The following PHACTR3 variants were observed in gnomAD, a reference collection of about 807,000 sequenced individuals.
PHACTR3 encodes phosphatase and actin regulator 3.
PHACTR3 carries 16 observed loss-of-function variants against 66.8 expected under a neutral mutation model. That is an observed-to-expected ratio of 0.24 (90% CI 0.16 to 0.36). PHACTR3 has a LOEUF of 0.36. Ranked by LOEUF, PHACTR3 falls within the 10% of genes least tolerant of loss-of-function variation. The probability of loss-of-function intolerance (pLI) is 1.00; values close to 1 mark genes in which losing one functional copy is unlikely to be tolerated. For synonymous variants in PHACTR3, 323 were observed against 292.1 expected, an observed-to-expected ratio of 1.11 and a Z score of -1.08; for missense variants, 647 against 719.9, an observed-to-expected ratio of 0.90 and a Z score of 1.16.
At chr20:59,583,309 G>A (rs557489421) in intron 1 of PHACTR3, among the ~76,000 whole-genome samples, 4 of 152,284 alleles carry the variant, frequency 2.6e-5, no homozygotes, top group Non-Finnish European at 5.9e-5. Flanking sequence ...GTGGTCTGGG[G>A]GTGGGGACAG....
chr20:59,731,894 G>A (rs1364992065), intron 1 of PHACTR3, among the ~76,000 whole-genome samples: 1 of 152,106 alleles, frequency 6.6e-6, no homozygotes, highest in Admixed American at 6.5e-5. Flanking sequence ...GACTTTTATA[G>A]TCCAAAAATA....
At chr20:59,845,626 T>G (rs1462797467) in intron 12 of PHACTR3, among the ~76,000 whole-genome samples, 1 of 152,206 alleles carries the variant, frequency 6.6e-6, no homozygotes, top group African/African-American at 2.4e-5. Flanking sequence ...CAGATTTTTG[T>G]GAAATTAGTC....
chr20:59,681,502 C>T (rs537935049), intron 1 of PHACTR3, among the ~76,000 whole-genome samples: 1 of 152,326 alleles, frequency 6.6e-6, no homozygotes. Flanking sequence ...ATTTGCCTCA[C>T]CCACTTGGCA....
At chr20:59,787,405 A>G (rs952722268) in intron 7 of PHACTR3, among the ~76,000 whole-genome samples, 2 of 152,202 alleles carry the variant, frequency 1.3e-5, no homozygotes, top group Non-Finnish European at 2.9e-5. Context: ...TCCAGGGTGG[A>G]AGGAAGCCCA....
chr20:59,632,522 G>A lies in PHACTR3; in HGVS notation c.118+27390G>A, dbSNP rs73301462. ...ATTTTCCCCAACCCAGCTGGAGCCT[G>A]AGAATGGAACTAGCCCAAAGGAAAG... is the stretch of plus-strand genomic sequence containing the variant. On this transcript the variant is annotated intron_variant, in intron 1 of 12. Coordinates refer to ENST00000371015, the MANE Select transcript of PHACTR3 (RefSeq NM_080672.5). Among the ~76,000 whole-genome samples the A allele has an allele frequency of 9.1e-3, 1,380 of 152,306 alleles. 27 individuals carry two copies. The highest frequency in any genetic ancestry group is 0.031 in the African/African-American group (1,288 of 41,564).
intron 1 of PHACTR3, among the ~76,000 whole-genome samples, chr20:59,717,174 A>G (rs564072589): frequency 6.6e-6 from 1 of 152,300 alleles, no homozygotes; most frequent in South Asian, 2.1e-4. Context: ...TCTTGGATTC[A>G]TGAAAAATTG....
At chr20:59,623,979 G>A (rs1395444401) in intron 1 of PHACTR3, among the ~76,000 whole-genome samples, 1 of 152,164 alleles carries the variant, frequency 6.6e-6, no homozygotes, top group East Asian at 1.9e-4. Flanking sequence ...AAGGTGTCCT[G>A]TTTTGGTTTC....
intron 8 of PHACTR3, among the ~76,000 whole-genome samples, chr20:59,809,892 G>A (rs1011005888): frequency 5.3e-5 from 8 of 152,166 alleles, no homozygotes; most frequent in Non-Finnish European, 1.2e-4. Context: ...CTGGCACTTT[G>A]CTGACCCCTG....
chr20:59,756,726 G>T (rs1428891521), intron 4 of PHACTR3, among the ~76,000 whole-genome samples: 1 of 151,970 alleles, frequency 6.6e-6, no homozygotes, highest in Non-Finnish European at 1.5e-5. Context: ...ACAACGTGCA[G>T]GTTTGTTACA....
At chr20:59,722,449 C>T (rs1053667137) in intron 1 of PHACTR3, among the ~76,000 whole-genome samples, 2 of 152,036 alleles carry the variant, frequency 1.3e-5, no homozygotes, top group Non-Finnish European at 2.9e-5. Context: ...CAGGGACTTC[C>T]CTGTGCAGTC....
At chr20:59,695,056 A>G (rs1391087238) in intron 1 of PHACTR3, among the ~76,000 whole-genome samples, 2 of 152,130 alleles carry the variant, frequency 1.3e-5, no homozygotes, top group Non-Finnish European at 2.9e-5. Flanking sequence ...GACAGGTGGA[A>G]ATAAACTCCC....
intron 1 of PHACTR3, chr20:59,628,220 G>A (rs1396800598): frequency 1.3e-5 from 2 of 152,250 alleles, no homozygotes; most frequent in African/African-American, 4.8e-5. Context: ...TCACTTGCCA[G>A]GAGAGAGTAC....
intron 1 of PHACTR3, among the ~76,000 whole-genome samples, chr20:59,665,664 T>C (rs964419593): frequency 3.3e-5 from 5 of 151,858 alleles, no homozygotes; most frequent in Non-Finnish European, 7.4e-5. Context: ...CTGGGTTGAA[T>C]TGGATGGAAA....
chr20:59,808,401 G>C (rs957688715), intron 8 of PHACTR3, among the ~76,000 whole-genome samples: 2 of 152,226 alleles, frequency 1.3e-5, no homozygotes, highest in Non-Finnish European at 2.9e-5. Flanking sequence ...GGTAGGAGAG[G>C]AAATTCTGAT....
chr20:59,642,586 C>T (rs2146427874), intron 1 of PHACTR3, among the ~76,000 whole-genome samples: 1 of 152,278 alleles, frequency 6.6e-6, no homozygotes, highest in South Asian at 2.1e-4. Context: ...CCAAATGCTC[C>T]AGAATAGGAA....
At chr20:59,746,215 G>T (rs1426739321) in intron 2 of PHACTR3, among the ~76,000 whole-genome samples, 2 of 152,194 alleles carry the variant, frequency 1.3e-5, no homozygotes, top group Non-Finnish European at 2.9e-5. Context: ...TGGCTTTAGG[G>T]TAAATATCCT....
chr20:59,623,794 G>T (rs2034352175), intron 1 of PHACTR3, among the ~76,000 whole-genome samples: 1 of 152,208 alleles, frequency 6.6e-6, no homozygotes, highest in African/African-American at 2.4e-5. Context: ...TGGGGATGGG[G>T]AGGTGGCTTG....
intron 1 of PHACTR3, among the ~76,000 whole-genome samples, chr20:59,652,964 G>A (rs909108356): frequency 6.6e-6 from 1 of 152,174 alleles, no homozygotes; most frequent in African/African-American, 2.4e-5. Context: ...TAAAAAGCGA[G>A]CACTAACGGT....
intron 1 of PHACTR3, among the ~76,000 whole-genome samples, chr20:59,645,898 T>C (rs1568957037): frequency 6.6e-6 from 1 of 152,166 alleles, no homozygotes; most frequent in Non-Finnish European, 1.5e-5. Flanking sequence ...TCCCCTGTCC[T>C]GTATTTTTAA....
Sources: gnomAD v4.1 joint callset for allele counts (sites outside exome capture counted in the v4.1 genomes callset) on GRCh38, gnomAD v4.1.1 for gene constraint, MANE v1.5 for transcripts, NCBI Gene and HGNC (gene_info 2026-07-23, HGNC 2026-07-21) for gene names.